Variants in PCDHGA1 observed in about 807,000 individuals in gnomAD.
The protein encoded by PCDHGA1 is protocadherin gamma subfamily A, 1, also known as protocadherin gamma-A1.
A neutral mutation model predicts 58.0 loss-of-function variants in PCDHGA1; 32 were observed. That is an observed-to-expected ratio of 0.55 (90% CI 0.42 to 0.74). PCDHGA1 has a LOEUF of 0.74. PCDHGA1 is among the 30% of genes least tolerant of loss of function. The pLI is 0.00. For synonymous variants in PCDHGA1, 498 were observed against 501.1 expected, an observed-to-expected ratio of 0.99 and a Z score of 0.08; for missense variants, 1,205 against 1,182.3, an observed-to-expected ratio of 1.02 and a Z score of -0.28.
chr5:141,409,164 C>G (rs115772303), intron 1 of PCDHGA1: 18 of 1,613,792 alleles, frequency 1.1e-5, no homozygotes, highest in Non-Finnish European at 1.4e-5. Flanking sequence ...GAAGTGGAAG[C>G]GAAGGACGGA....
In PCDHGA1 at chr5:141,418,992, A is replaced by G. The variant is rs554523363; in HGVS notation, c.2422-75815A>G. 28 of 1,613,802 alleles carry G rather than the reference A, an allele frequency of 1.7e-5. No individual in the cohort carries two copies. The African/African-American group carries it at 2.7e-4, about 15-fold the overall frequency. On this transcript the variant is annotated intron_variant, in intron 1 of 3. Coordinates refer to ENST00000517417, the MANE Select transcript of PCDHGA1 (RefSeq NM_018912.3). Reference sequence around the variant, plus strand: ...AAAACACGGGACCAAGACTCAGGGGAAAATGGGGAAGTCAGGTGTAGCTTA... The same window carrying G: ...AAAACACGGGACCAAGACTCAGGGGGAAATGGGGAAGTCAGGTGTAGCTTA...
In PCDHGA1 at chr5:141,486,936, A is replaced by G; in HGVS notation, c.2422-7871A>G. 2 of 1,614,184 alleles carry G rather than the reference A, an allele frequency of 1.2e-6. No individual in the cohort carries two copies. Among genetic ancestry groups the G allele is most frequent in the Non-Finnish European group, 1.7e-6 (2 of 1,180,030 alleles). On this transcript the variant is annotated intron_variant, in intron 1 of 3. Transcript: ENST00000517417. This position sits in a 1 kb window ranked among gnomAD's most constrained non-coding sequence, Gnocchi z 5.0. ...CTGCCTCCATCAGTTGGTGCTGGCC[A>G]CCTAATCACAAAGGTGACTGCTGTG...
intron 1 of PCDHGA1, chr5:141,339,594 A>G: frequency 6.2e-7 from 1 of 1,614,202 alleles, no homozygotes; most frequent in Non-Finnish European, 8.5e-7. Flanking sequence ...GAGGCTGTTC[A>G]CCACCTCGTT....
At chr5:141,469,079 C>T (rs1169035651) in intron 1 of PCDHGA1, among the ~76,000 whole-genome samples, 1 of 151,492 alleles carries the variant, frequency 6.6e-6, no homozygotes, top group Non-Finnish European at 1.5e-5. Context: ...GAGTTTGAGA[C>T]CATTCTAGGC....
Position 141,410,082 on chromosome 5 carries a change from G to A in PCDHGA1, c.2421+76977G>A, listed in dbSNP as rs780485949. 1.6e-5 allele frequency: 25 copies of A among 1,612,386 alleles called. No individual in the cohort carries two copies. The Admixed American group carries it at 3.8e-4, about 25-fold the overall frequency. On this transcript the variant is annotated intron_variant, in intron 1 of 3. Transcript: ENST00000517417. ...CTGGGGCTGCGCACTGGGGAGGTGC[G>A]CACGGCTCGAGCCTTAGGCGACAGG... is the stretch of plus-strand genomic sequence containing the variant.
At chr5:141,399,376 AC>A (rs1398817003) in intron 1 of PCDHGA1, 1 of 1,613,956 alleles carries the variant, frequency 6.2e-7, no homozygotes, top group Non-Finnish European at 8.5e-7. Flanking sequence ...GTACAATGTC[AC>A]CATCACAGCC....
intron 1 of PCDHGA1, among the ~76,000 whole-genome samples, chr5:141,471,107 G>T (rs1023848236): frequency 1.3e-5 from 2 of 148,554 alleles, no homozygotes; most frequent in East Asian, 2.0e-4. Context: ...AGAGTGCAGT[G>T]GTGCGATCTT....
intron 1 of PCDHGA1, chr5:141,339,036 C>T (rs893713218): frequency 1.2e-6 from 2 of 1,603,216 alleles, no homozygotes; most frequent in African/African-American, 1.3e-5. Flanking sequence ...CTTTTGGCGA[C>T]CCTGTGGGAG....
At position 141,431,248 on chromosome 5, in the gene PCDHGA1, G is replaced by T. The variant is rs1213088915; in HGVS notation, c.2422-63559G>T. ...CCCACGCCTGGGATCCGGATATCGG[G>T]AAGAACTCTCTGCAGAGCTACGAGC... On this transcript the variant is annotated intron_variant, in intron 1 of 3. Coordinates refer to ENST00000517417, the MANE Select transcript of PCDHGA1 (RefSeq NM_018912.3). The surrounding 1 kb of genome is among the most constrained non-coding windows in gnomAD (Gnocchi z 4.8). 6.2e-7 allele frequency: 1 copy of T among 1,614,022 alleles called. No individual in the cohort carries two copies. The highest frequency in any genetic ancestry group is 8.5e-7 in the Non-Finnish European group (1 of 1,180,056).
chr5:141,386,424 C>A (rs1233589909), intron 1 of PCDHGA1, among the ~76,000 whole-genome samples: 1 of 151,904 alleles, frequency 6.6e-6, no homozygotes, highest in Non-Finnish European at 1.5e-5. Flanking sequence ...AAGCTGTAGC[C>A]CACCTGCATG....
intron 1 of PCDHGA1, chr5:141,415,268 T>C: frequency 6.2e-7 from 1 of 1,614,174 alleles, no homozygotes; most frequent in Non-Finnish European, 8.5e-7. Flanking sequence ...CTGTACCTGG[T>C]GGTAGCGGTG....
intron 1 of PCDHGA1, chr5:141,404,445 G>GT: frequency 6.2e-7 from 1 of 1,613,280 alleles, no homozygotes; most frequent in Non-Finnish European, 8.5e-7. Context: ...ACCATCCAAG[G>GT]GTCTCCTCTC....
intron 1 of PCDHGA1, chr5:141,414,091 A>C (rs774168035): frequency 7.5e-6 from 12 of 1,594,412 alleles, no homozygotes; most frequent in African/African-American, 1.3e-5. Flanking sequence ...TGGAGAAATA[A>C]AAATATCAGA....
chr5:141,387,299 G>A (rs1405240674), intron 1 of PCDHGA1, among the ~76,000 whole-genome samples: 2 of 152,182 alleles, frequency 1.3e-5, no homozygotes, highest in South Asian at 2.1e-4. Flanking sequence ...AATGTATCCA[G>A]TATATTTCTA....
intron 1 of PCDHGA1, chr5:141,371,563 T>G: frequency 6.2e-7 from 1 of 1,613,806 alleles, no homozygotes; most frequent in Non-Finnish European, 8.5e-7. Context: ...AAAGGAAACT[T>G]CCCCTTTAAA....
Position 141,485,036 on chromosome 5 carries a change from C to A in PCDHGA1, c.2422-9771C>A. ...CGCCACCAGCAAAAACGGCGCGTAA[C>A]CCTTGCGGCGCCGGCCGAACCGCGC... On this transcript the variant is annotated intron_variant, in intron 1 of 3. Coordinates refer to ENST00000517417, the MANE Select transcript of PCDHGA1 (RefSeq NM_018912.3). The surrounding 1 kb of genome is among the most constrained non-coding windows in gnomAD (Gnocchi z 5.7). 1 of 698,458 alleles carries A rather than the reference C, an allele frequency of 1.4e-6. No individual in the cohort carries two copies. The highest frequency in any genetic ancestry group is 2.5e-6 in the Non-Finnish European group (1 of 399,316). The allele number at this position is 698,458 out of a possible 1,614,324, so 43.3% of individuals were successfully genotyped here. A position where few individuals can be genotyped will look rare whatever the true frequency, so the allele number is the denominator to read the frequency against.
At position 141,431,245 on chromosome 5, in the gene PCDHGA1, C is replaced by T; in HGVS notation, c.2422-63562C>T. The T allele has an allele frequency of 1.2e-6, 2 of 1,614,134 alleles. No individual in the cohort carries two copies. The highest frequency in any genetic ancestry group is 1.7e-6 in the Non-Finnish European group (2 of 1,180,038). ...TACCCCACGCCTGGGATCCGGATATCGGGAAGAACTCTCTGCAGAGCTACG... is the reference window on the plus strand; with the variant it reads ...TACCCCACGCCTGGGATCCGGATATTGGGAAGAACTCTCTGCAGAGCTACG... On this transcript the variant is annotated intron_variant, in intron 1 of 3. Transcript: ENST00000517417. This position sits in a 1 kb window ranked among gnomAD's most constrained non-coding sequence, Gnocchi z 4.8.
At chr5:141,483,064 A>G (rs1245942485) in intron 1 of PCDHGA1, among the ~76,000 whole-genome samples, 2 of 152,142 alleles carry the variant, frequency 1.3e-5, no homozygotes, top group Non-Finnish European at 2.9e-5. Context: ...CAGCATGGGC[A>G]ACAGAGAGAG....
chr5:141,458,612 C>T (rs1381385841), intron 1 of PCDHGA1, among the ~76,000 whole-genome samples: 1 of 152,084 alleles, frequency 6.6e-6, no homozygotes, highest in Non-Finnish European at 1.5e-5. Flanking sequence ...CTCTGTCAGC[C>T]AGGCTGGAGT....
Sources: gnomAD v4.1 joint callset for allele counts (sites outside exome capture counted in the v4.1 genomes callset) on GRCh38, gnomAD v4.1.1 for gene constraint, Gnocchi (gnomAD v3.1) non-coding constraint, MANE v1.5 for transcripts, NCBI Gene and HGNC (gene_info 2026-07-23, HGNC 2026-07-21) for gene names.